Variants in ANO1 observed in about 807,000 individuals in gnomAD.
The protein encoded by ANO1 is anoctamin 1.
ANO1 carries 59 observed loss-of-function variants against 124.0 expected under a neutral mutation model. The observed-to-expected ratio is 0.48, with a 90% CI of 0.39 to 0.59. The LOEUF (loss-of-function observed/expected upper bound fraction) is 0.59. ANO1 is among the 20% of genes least tolerant of loss of function. The pLI is 0.00. For missense variants in ANO1, 1,059 were observed against 1,328.0 expected, an observed-to-expected ratio of 0.80 and a Z score of 3.15; for synonymous variants, 529 against 532.0, an observed-to-expected ratio of 0.99 and a Z score of 0.08.
chr11:70,034,651 C>CT (rs1199881819), intron 1 of ANO1, among the ~76,000 whole-genome samples: 2 of 152,132 alleles, frequency 1.3e-5, no homozygotes, highest in Non-Finnish European at 2.9e-5. Context: ...GCTGCAGGCA[C>CT]TGCATATACA....
At chr11:70,116,761 C>T (rs1180522504) in intron 8 of ANO1, among the ~76,000 whole-genome samples, 1 of 152,208 alleles carries the variant, frequency 6.6e-6, no homozygotes, top group African/African-American at 2.4e-5. Flanking sequence ...AAAGGGAAAG[C>T]TGTCCTCCCA....
At chr11:70,070,853 C>T (rs981622747) in intron 1 of ANO1, among the ~76,000 whole-genome samples, 1 of 152,196 alleles carries the variant, frequency 6.6e-6, no homozygotes, top group Non-Finnish European at 1.5e-5. Context: ...GCATCTCCTT[C>T]AGGGGTACCT....
At chr11:70,092,212 G>A (rs2044658652) in intron 2 of ANO1, among the ~76,000 whole-genome samples, 1 of 152,190 alleles carries the variant, frequency 6.6e-6, no homozygotes. Flanking sequence ...AAGGACACCA[G>A]TCATTCTATT....
At chr11:70,182,408 G>C (rs1006548719) in intron 23 of ANO1, 94 bp from the exon 24 acceptor site, 1 of 1,091,368 alleles carries the variant, frequency 9.2e-7, no homozygotes, top group African/African-American at 1.6e-5. Context: ...TATGGCCAGG[G>C]TCCAGTGTAA....
intron 1 of ANO1, among the ~76,000 whole-genome samples, chr11:70,006,473 C>T (rs1371227570): frequency 3.9e-5 from 6 of 152,104 alleles, no homozygotes; most frequent in African/African-American, 1.2e-4. Flanking sequence ...CTGCTCTCTG[C>T]CCTGAACCCC....
chr11:70,095,736 G>A (rs147302527), intron 2 of ANO1, among the ~76,000 whole-genome samples: 22 of 152,230 alleles, frequency 1.4e-4, no homozygotes, highest in Admixed American at 2.0e-4. Flanking sequence ...GGCTTCCCTC[G>A]CCCCCGCAGG....
intron 1 of ANO1, chr11:70,085,784 T>G: frequency 1.1e-5 from 14 of 1,262,284 alleles, no homozygotes; most frequent in East Asian, 2.7e-5. Flanking sequence ...CCCACTGCAG[T>G]GCTGACTGTT....
At chr11:70,065,634 G>A (rs112566509) in intron 1 of ANO1, among the ~76,000 whole-genome samples, 3,954 of 150,944 alleles carry the variant, frequency 0.026, 73 homozygotes, top group Non-Finnish European at 0.045. Flanking sequence ...GTCCCCCGTC[G>A]TCCCCCTAGT....
intron 9 of ANO1, among the ~76,000 whole-genome samples, chr11:70,125,339 T>C (rs1275262400): frequency 7.9e-6 from 1 of 126,526 alleles, no homozygotes; most frequent in Non-Finnish European, 1.7e-5. Context: ...CAAGACTCCA[T>C]CTCAAAATAA....
chr11:70,107,260 C>T (rs550758155), intron 5 of ANO1, among the ~76,000 whole-genome samples: 28 of 152,152 alleles, frequency 1.8e-4, no homozygotes, highest in East Asian at 1.5e-3. Context: ...ATTTATAATC[C>T]GGCAGGTGGG....
rs1435607012 is a variant in ANO1 at position 69,998,181 on chromosome 11, G to A, written c.58+12015G>A. 3.3e-5 allele frequency among the ~76,000 whole-genome samples: 5 copies of A among 152,176 alleles called. No individual in the cohort carries two copies. In the East Asian group the frequency reaches 5.8e-4, roughly 18 times the overall value. ...GTAACTAGGTGTTTTAGACTGAGCT[G>A]TAATTTACATACAGTAAAATGTCCA... On this transcript the variant is annotated intron_variant, in intron 1 of 27. Transcript: ENST00000531349.
At chr11:70,123,112 A>G (rs1173001477) in intron 8 of ANO1, among the ~76,000 whole-genome samples, 1 of 151,918 alleles carries the variant, frequency 6.6e-6, no homozygotes, top group Non-Finnish European at 1.5e-5. Context: ...GTAAAGGAGG[A>G]GACAGGGATG....
intron 9 of ANO1, 146 bp from the exon 10 acceptor site, chr11:70,125,915 C>G: frequency 1.1e-6 from 1 of 900,478 alleles, no homozygotes; most frequent in Middle Eastern, 2.9e-4. Flanking sequence ...CCTGATGGGG[C>G]GGCCCAGGAC....
intron 1 of ANO1, among the ~76,000 whole-genome samples, chr11:70,087,265 T>C (rs1287996323): frequency 6.6e-6 from 1 of 152,238 alleles, no homozygotes; most frequent in African/African-American, 2.4e-5. Flanking sequence ...ATTTATCCTG[T>C]GTGTTACAAA....
intron 1 of ANO1, among the ~76,000 whole-genome samples, chr11:70,062,067 C>CTTTTTTTTTT (rs1175846749): frequency 4.8e-5 from 3 of 62,268 alleles, no homozygotes; most frequent in African/African-American, 1.9e-4. Context: ...TTCCTTCTTT[C>CTTTTTTTTTT]TTTTTTTTTT....
At chr11:70,006,916 C>T (rs1280227354) in intron 1 of ANO1, among the ~76,000 whole-genome samples, 3 of 151,982 alleles carry the variant, frequency 2.0e-5, no homozygotes, top group Admixed American at 1.3e-4. Flanking sequence ...GTGATCCGCC[C>T]GCCTCGGCCT....
intron 1 of ANO1, among the ~76,000 whole-genome samples, chr11:70,061,618 T>C (rs561202273): frequency 4.6e-5 from 7 of 152,142 alleles, no homozygotes; most frequent in Non-Finnish European, 1.0e-4. Context: ...CAATTCCTTC[T>C]AGCAGCTACC....
Position 70,163,346 on chromosome 11 carries a change from C to A in ANO1, c.1950+6C>A, listed in dbSNP as rs375456170. 4 of 1,613,778 alleles carry A rather than the reference C, an allele frequency of 2.5e-6. No homozygotes were observed. Among genetic ancestry groups the A allele is most frequent in the Non-Finnish European group, 3.4e-6 (4 of 1,179,854 alleles). On this transcript the variant is annotated splice_donor_region_variant and intron_variant, in intron 19 of 25. Coordinates refer to ENST00000355303, the MANE Select transcript of ANO1 (RefSeq NM_018043.7). ...GTTCCTTCCGAATGGAAGAGGTAACCGAAATTTTATTCATCTCTGGCAGCC... is the reference window on the plus strand; with the variant it reads ...GTTCCTTCCGAATGGAAGAGGTAACAGAAATTTTATTCATCTCTGGCAGCC...
chr11:69,994,103 AC>A (rs35126450), intron 1 of ANO1, among the ~76,000 whole-genome samples: 82,212 of 148,990 alleles, frequency 0.55, 24,080 homozygotes, highest in East Asian at 0.97. Context: ...TTTGTCGTTA[AC>A]CCCCCCCCAC....
Sources: allele counts gnomAD v4.1 joint callset (sites outside exome capture counted in the v4.1 genomes callset), GRCh38; gene constraint gnomAD v4.1.1; transcripts MANE v1.5; gene names NCBI Gene and HGNC (gene_info 2026-07-23, HGNC 2026-07-21).